The following METTL21A variants were observed in gnomAD, a reference collection of about 807,000 sequenced individuals.
METTL21A encodes protein N-lysine methyltransferase METTL21A.
METTL21A carries 22 observed loss-of-function variants against 20.9 expected under a neutral mutation model. The ratio of observed to expected loss-of-function variants is 1.05; its 90% CI spans 0.75 to 1.50. METTL21A has a LOEUF of 1.50. Ranked by LOEUF, METTL21A falls within the 40% of genes most tolerant of loss-of-function variation. The pLI is 0.00. For missense variants in METTL21A, 271 were observed against 266.8 expected (o/e 1.02, Z -0.11); for synonymous variants, 93 against 102.0 (o/e 0.91, Z 0.53).
In METTL21A at chr2:207,618,905, C is replaced by T. The variant is rs1228372537; in HGVS notation, c.259+2901G>A. ...ACCAGGGAGATTTTCAAACTAAGAA[C>T]GAGGATTTGAGAGTCAGATTGGATT... On this transcript the variant is annotated intron_variant, in intron 3 of 3. Transcript: ENST00000406927. Among the ~76,000 whole-genome samples the T allele has an allele frequency of 3.3e-5, 5 of 152,040 alleles. No homozygotes were observed. The South Asian group carries it at 6.2e-4, about 19-fold the overall frequency.
intron 3 of METTL21A, among the ~76,000 whole-genome samples, chr2:207,592,900 A>G (rs1270510395): frequency 6.6e-6 from 1 of 152,016 alleles, no homozygotes; most frequent in African/African-American, 2.4e-5. Flanking sequence ...CGACAGAGCA[A>G]GACTCCATCT....
At chr2:207,589,341 A>G (rs1222938105) in intron 3 of METTL21A, among the ~76,000 whole-genome samples, 1 of 152,146 alleles carries the variant, frequency 6.6e-6, no homozygotes, top group Non-Finnish European at 1.5e-5. Context: ...ACATAGTGTT[A>G]TCTCTGTTCC....
chr2:207,625,355 C>T (rs968212068), exon 1 of METTL21A: 9 of 152,126 alleles, frequency 5.9e-5, no homozygotes, highest in African/African-American at 4.8e-5. Flanking sequence ...GAGCCCGCGA[C>T]GCGGGGGCGG....
exon 2 of METTL21A, chr2:207,624,250 G>A (rs1379981285): frequency 1.2e-6 from 2 of 1,607,866 alleles, no homozygotes; most frequent in Non-Finnish European, 1.7e-6. Context: ...CCACCGCTGC[G>A]ACTCCCAGGT....
intron 3 of METTL21A, among the ~76,000 whole-genome samples, chr2:207,584,271 A>G (rs2709389): frequency 0.16 from 23,689 of 152,206 alleles, 2,033 homozygotes; most frequent in Middle Eastern, 0.21. Flanking sequence ...TTATATTCCC[A>G]CCAGGAATGT....
At chr2:207,616,959 A>T (rs1382622561) in intron 3 of METTL21A, among the ~76,000 whole-genome samples, 1 of 152,210 alleles carries the variant, frequency 6.6e-6, no homozygotes. Context: ...TTTTGAAGCA[A>T]GGAAAGGCAG....
intron 3 of METTL21A, among the ~76,000 whole-genome samples, chr2:207,616,613 G>C (rs899868171): frequency 6.6e-6 from 1 of 152,210 alleles, no homozygotes; most frequent in African/African-American, 2.4e-5. Context: ...GGGAGGCCAA[G>C]GCGGGTGGAT....
intron 2 of METTL21A, 41 bp downstream of exon 2, chr2:207,624,188 C>G: frequency 6.5e-7 from 1 of 1,540,142 alleles, no homozygotes; most frequent in Non-Finnish European, 8.7e-7. Flanking sequence ...GCCAGTCTTG[C>G]AAGTGTGAAC....
At chr2:207,581,474 C>T (rs2082949495), downstream of METTL21A, 1 of 202,538 alleles carries the variant, frequency 4.9e-6, no homozygotes, top group African/African-American at 2.3e-5. Flanking sequence ...ACAAGTAAAA[C>T]ATGTTCATTA....
At chr2:207,598,488 A>G (rs1220830449) in intron 3 of METTL21A, 3 of 4,082 alleles carry the variant, frequency 7.3e-4, no homozygotes, top group Non-Finnish European at 1.2e-3. Context: ...GTTACTCTTA[A>G]AAAAAAAAAA....
rs11326646 is a variant in METTL21A, at chr2:207,622,161, ATT to A, written c.148-246_148-245del. On this transcript the variant is annotated intron_variant, in intron 2 of 3. Transcript: ENST00000406927. The stretch of plus-strand genomic sequence containing the variant: ...GGTCCTGCTGGATCTGGAAAGCTTA[ATT>A]TTTTTTTTTTTTTTTTTTTGAGATG... 2.1e-3 allele frequency among the ~76,000 whole-genome samples: 252 copies of A among 122,274 alleles called. 5 individuals are homozygous for A. In the East Asian group the frequency reaches 0.021, roughly 10 times the overall value. The allele number at this position is 122,274 out of a possible 152,430, so 80.2% of individuals were successfully genotyped here. A position where few individuals can be genotyped will look rare whatever the true frequency, so the allele number is the denominator to read the frequency against.
chr2:207,605,646 T>G (rs1387674881), downstream of METTL21A, among the ~76,000 whole-genome samples: 1 of 152,172 alleles, frequency 6.6e-6, no homozygotes, highest in Admixed American at 6.5e-5. Context: ...CCTCTCCCTT[T>G]TTTTACACAA....
intron 3 of METTL21A, among the ~76,000 whole-genome samples, chr2:207,595,154 C>T (rs1456485122): frequency 6.6e-6 from 1 of 151,756 alleles, no homozygotes. Context: ...CACCACCATA[C>T]CTGGCTAATT....
Position 207,613,286 on chromosome 2 carries a change from CA to C in METTL21A, c.416del (p.Leu139ArgfsTer10). 1 of 1,614,058 alleles carries C rather than the reference CA, an allele frequency of 6.2e-7. No homozygotes were observed. Among genetic ancestry groups the C allele is most frequent in the Middle Eastern group, 1.6e-4 (1 of 6,062 alleles). ...AATATATGATATCAGCACCAAGTATCAGGTCAAATTCTCCAGGAGAAAAACT... is the reference window on the plus strand; with the variant it reads ...AATATATGATATCAGCACCAAGTATCGGTCAAATTCTCCAGGAGAAAAACT... On this transcript the variant is annotated frameshift_variant, in exon 4 of 4. Transcript: ENST00000406927. LOFTEE classifies it high-confidence loss of function.
chr2:207,589,176 G>C (rs1254687053), intron 3 of METTL21A, among the ~76,000 whole-genome samples: 4 of 152,130 alleles, frequency 2.6e-5, no homozygotes, highest in Non-Finnish European at 5.9e-5. Flanking sequence ...TATAAGATCA[G>C]AGGCCTTCAT....
chr2:207,604,803 T>C (rs1285547837), downstream of METTL21A, among the ~76,000 whole-genome samples: 1 of 152,236 alleles, frequency 6.6e-6, no homozygotes, highest in East Asian at 1.9e-4. Context: ...TGGATTTACA[T>C]CCGGGTATTT....
chr2:207,612,087 CTTTTTTTTTTTTT>C (rs57522071), downstream of METTL21A: 13 of 18,758 alleles, frequency 6.9e-4, no homozygotes, highest in Non-Finnish European at 1.1e-3. Context: ...ATTTCAGGTG[CTTTTTTTTTTTTT>C]TTTTTTTTTT....
At chr2:207,608,653 C>T (rs1343530447), downstream of METTL21A, among the ~76,000 whole-genome samples, 10 of 152,188 alleles carry the variant, frequency 6.6e-5, no homozygotes, top group Admixed American at 4.6e-4. Context: ...TGAACTCTGC[C>T]GGGCGCGGTG....
At chr2:207,625,265 G>A (rs2090995343) in exon 1 of METTL21A, 3 of 152,124 alleles carry the variant, frequency 2.0e-5, no homozygotes, top group Admixed American at 1.3e-4. Flanking sequence ...CGGTACTTAC[G>A]GCCCGGGAGG....
Sources: allele counts gnomAD v4.1 joint callset (sites outside exome capture counted in the v4.1 genomes callset), GRCh38; gene constraint gnomAD v4.1.1; transcripts MANE v1.5; gene names NCBI Gene and HGNC (gene_info 2026-07-23, HGNC 2026-07-21).